SLC44A1: variants seen among roughly 807,000 people sequenced by gnomAD.
SLC44A1 encodes choline transporter-like protein 1.
Under a neutral mutation model 79.3 loss-of-function variants are expected in SLC44A1, and 26 were observed. That is an observed-to-expected ratio of 0.33 (90% CI 0.24 to 0.46). The LOEUF (loss-of-function observed/expected upper bound fraction) is 0.46. SLC44A1 is among the 20% of genes least tolerant of loss of function. The pLI, the probability that SLC44A1 is intolerant of heterozygous loss-of-function variation, is 1.00. For missense variants in SLC44A1, 688 were observed against 798.1 expected (o/e 0.86, Z 1.66); for synonymous variants, 263 against 286.2 (o/e 0.92, Z 0.82).
At chr9:105,278,810 T>C (rs1830275775) in intron 1 of SLC44A1, among the ~76,000 whole-genome samples, 3 of 152,218 alleles carry the variant, frequency 2.0e-5, no homozygotes, top group Non-Finnish European at 2.9e-5. Context: ...GACTTTCAGC[T>C]TTTTTTTCCG....
chr9:105,361,629 A>G (rs1210971715), intron 8 of SLC44A1, among the ~76,000 whole-genome samples: 1 of 152,256 alleles, frequency 6.6e-6, no homozygotes, highest in African/African-American at 2.4e-5. Flanking sequence ...TAAGATAATT[A>G]CTTTTTAAAA....
Position 105,389,655 on chromosome 9 carries a change from T to C in SLC44A1, c.*599T>C, listed in dbSNP as rs1828713566. The C allele has an allele frequency of 1.2e-5, 15 of 1,231,774 alleles. No individual in the cohort carries two copies. Among genetic ancestry groups the C allele is most frequent in the South Asian group, 3.7e-5 (1 of 27,092 alleles). The allele number at this position is 1,231,774 out of a possible 1,614,324, so 76.3% of individuals were successfully genotyped here. ...GAATTTTCATAATAGTTCATACATT[T>C]GTCAGCCAACATTAAAAGGTAACCA... On this transcript the variant is annotated 3_prime_UTR_variant, in exon 16 of 16. Transcript: ENST00000374720.
intron 4 of SLC44A1, among the ~76,000 whole-genome samples, chr9:105,341,902 G>A (rs1827103634): frequency 6.6e-6 from 1 of 152,046 alleles, no homozygotes; most frequent in African/African-American, 2.4e-5. Context: ...CTATCCAAGT[G>A]ATTATTCATA....
intron 12 of SLC44A1, among the ~76,000 whole-genome samples, chr9:105,372,640 T>G (rs538742995): frequency 1.8e-3 from 280 of 151,376 alleles, no homozygotes; most frequent in Non-Finnish European, 2.3e-3. Flanking sequence ...ATTGCCCCAT[T>G]ACTGAAAAAA....
chr9:105,317,080 C>T (rs1374067673), intron 3 of SLC44A1, among the ~76,000 whole-genome samples: 1 of 152,144 alleles, frequency 6.6e-6, no homozygotes, highest in African/African-American at 2.4e-5. Flanking sequence ...TTCAGTTTCA[C>T]ATGGCTGTAG....
intron 4 of SLC44A1, among the ~76,000 whole-genome samples, chr9:105,340,742 C>A (rs1827062463): frequency 6.6e-6 from 1 of 152,208 alleles, no homozygotes; most frequent in South Asian, 2.1e-4. Context: ...TTAGCACTTA[C>A]AACCATCCAT....
rs1051438092 is a variant in SLC44A1, at chr9:105,249,742, C to T, written c.36+4838C>T. Among the ~76,000 whole-genome samples, 4 of 151,150 alleles carry T rather than the reference C, an allele frequency of 2.6e-5. 1 individual carries two copies. Among genetic ancestry groups the T allele is most frequent in the African/African-American group, 9.8e-5 (4 of 40,992 alleles). On this transcript the variant is annotated intron_variant, in intron 1 of 15. Coordinates refer to ENST00000374720, the MANE Select transcript of SLC44A1 (RefSeq NM_080546.5). ...TAGAGACGAGTTTTCACCATGTTGGCCAGGGTGGTCTCGAACTCCTGACCT... is the reference window on the plus strand; with the variant it reads ...TAGAGACGAGTTTTCACCATGTTGGTCAGGGTGGTCTCGAACTCCTGACCT...
intron 13 of SLC44A1, among the ~76,000 whole-genome samples, chr9:105,380,781 G>A (rs1238313662): frequency 6.6e-6 from 1 of 152,094 alleles, no homozygotes; most frequent in Non-Finnish European, 1.5e-5. Context: ...TACTTCTTGA[G>A]ACATAGTCTT....
intron 3 of SLC44A1, among the ~76,000 whole-genome samples, chr9:105,328,070 C>T (rs940900616): frequency 6.6e-5 from 10 of 152,128 alleles, no homozygotes; most frequent in Admixed American, 6.5e-4. Flanking sequence ...CCCCTCTGGC[C>T]CCACTTAGCA....
At chr9:105,413,099 A>T (rs557656145) in intron 15 of SLC44A1, among the ~76,000 whole-genome samples, 1 of 152,308 alleles carries the variant, frequency 6.6e-6, no homozygotes, top group South Asian at 2.1e-4. Flanking sequence ...TCATGTCCTG[A>T]GCCCCTAAAG....
At chr9:105,403,986 G>A (rs1000443964) in intron 15 of SLC44A1, among the ~76,000 whole-genome samples, 8 of 151,822 alleles carry the variant, frequency 5.3e-5, no homozygotes, top group Admixed American at 5.3e-4. Context: ...TGCCTTTCAG[G>A]GGAAAAATTA....
At chr9:105,361,418 G>A (rs1011614327) in intron 8 of SLC44A1, 88 bp downstream of exon 8, 1 of 1,271,342 alleles carries the variant, frequency 7.9e-7, no homozygotes. Context: ...TCTAGCTTTT[G>A]CATTCCTAAC....
intron 3 of SLC44A1, among the ~76,000 whole-genome samples, chr9:105,334,829 TA>T (rs1358669928): frequency 6.6e-6 from 1 of 152,234 alleles, no homozygotes; most frequent in Non-Finnish European, 1.5e-5. Context: ...GTAAAGGGTA[TA>T]ATTTCAGATT....
chr9:105,367,060 G>A (rs1180024845), intron 12 of SLC44A1, among the ~76,000 whole-genome samples: 1 of 152,082 alleles, frequency 6.6e-6, no homozygotes, highest in Non-Finnish European at 1.5e-5. Flanking sequence ...AAAGGGCCTA[G>A]GTGAATGGGT....
chr9:105,354,212 G>A (rs1394697609), intron 5 of SLC44A1, among the ~76,000 whole-genome samples: 1 of 150,036 alleles, frequency 6.7e-6, no homozygotes, highest in African/African-American at 2.5e-5. Flanking sequence ...TACCACGCCC[G>A]GCTAATTTTT....
intron 12 of SLC44A1, among the ~76,000 whole-genome samples, chr9:105,367,337 T>G (rs2131423652): frequency 6.6e-6 from 1 of 152,356 alleles, no homozygotes; most frequent in Non-Finnish European, 1.5e-5. Flanking sequence ...GCCTGGACTT[T>G]GCTTTATTGG....
In SLC44A1 at chr9:105,309,763, G is replaced by A. The variant is rs1230776546; in HGVS notation, c.166G>A (p.Ala56Thr). Reference sequence around the variant, plus strand: ...CTTTTCAATAGCAACAGGTGCAGCAGCAAGACTAGTGTCAGGATACGACAG... The same window carrying A: ...CTTTTCAATAGCAACAGGTGCAGCAACAAGACTAGTGTCAGGATACGACAG... ...CGFSIATGAA[A>T]RLVSGYDSYG... The change falls in exon 3 of 16, where the codon GCA becomes ACA. Residue 56 changes from alanine to threonine, a missense_variant. Coordinates refer to ENST00000374720, the MANE Select transcript of SLC44A1 (RefSeq NM_080546.5). 3.1e-6 allele frequency: 5 copies of A among 1,613,890 alleles called. No homozygotes were observed. Among genetic ancestry groups the A allele is most frequent in the Non-Finnish European group, 4.2e-6 (5 of 1,179,840 alleles).
chr9:105,324,162 C>T (rs564232365), intron 3 of SLC44A1, among the ~76,000 whole-genome samples: 5 of 151,394 alleles, frequency 3.3e-5, no homozygotes, highest in Admixed American at 1.3e-4. Context: ...CCACCACGCC[C>T]GGCTAATTTT....
chr9:105,426,316 A>G (rs72744244), intron 15 of SLC44A1, among the ~76,000 whole-genome samples: 3,930 of 152,250 alleles, frequency 0.026, 70 homozygotes, highest in African/African-American at 0.044. Flanking sequence ...TATTTTTTCA[A>G]TGTTTGACCC....
Sources: allele counts gnomAD v4.1 joint callset (sites outside exome capture counted in the v4.1 genomes callset), GRCh38; gene constraint gnomAD v4.1.1; transcripts MANE v1.5; gene names NCBI Gene and HGNC (gene_info 2026-07-23, HGNC 2026-07-21).